The following CACNA1C variants were observed in gnomAD, a reference collection of about 807,000 sequenced individuals.
The protein encoded by CACNA1C is voltage-dependent L-type calcium channel subunit alpha-1C.
CACNA1C carries 30 observed loss-of-function variants against 229.0 expected under a neutral mutation model. The observed-to-expected ratio is 0.13, with a 90% CI of 0.10 to 0.18. The LOEUF (loss-of-function observed/expected upper bound fraction) is 0.18. Ranked by LOEUF, CACNA1C falls within the 10% of genes least tolerant of loss-of-function variation. The pLI is 1.00. For missense variants in CACNA1C, 1,658 were observed against 2,845.0 expected (o/e 0.58, Z 9.49); for synonymous variants, 1,114 against 1,132.5 (o/e 0.98, Z 0.33).
At chr12:2,449,681 C>G (rs1011305767) in intron 4 of CACNA1C, among the ~76,000 whole-genome samples, 9 of 152,368 alleles carry the variant, frequency 5.9e-5, no homozygotes, top group Middle Eastern at 3.4e-3. Context: ...CATGCACACA[C>G]GGTTGGACCT....
intron 1 of CACNA1C, among the ~76,000 whole-genome samples, chr12:2,062,262 C>T (rs2057771085): frequency 6.6e-6 from 1 of 152,202 alleles, no homozygotes; most frequent in African/African-American, 2.4e-5. Context: ...AGACAATGTT[C>T]TTGGTGCTTC....
chr12:2,054,233 C>T lies in CACNA1C; in HGVS notation c.49+622C>T, dbSNP rs2053646495. Among the ~76,000 whole-genome samples the T allele has an allele frequency of 6.6e-6, 1 of 152,090 alleles. No individual in the cohort carries two copies. The highest frequency in any genetic ancestry group is 6.5e-5 in the Admixed American group (1 of 15,288). On this transcript the variant is annotated intron_variant, in intron 1 of 46. Coordinates refer to ENST00000399655, the MANE Select transcript of CACNA1C (RefSeq NM_000719.7). This position sits in a 1 kb window ranked among gnomAD's most constrained non-coding sequence, Gnocchi z 5.5. ...TGGTTCCCCCTCTGTAGGTCCCCTT[C>T]TTCCTCTCTCCCTCCCTCCTCCGCC...
intron 3 of CACNA1C, among the ~76,000 whole-genome samples, chr12:2,401,589 C>A (rs183928048): frequency 1.1e-4 from 16 of 152,150 alleles, no homozygotes; most frequent in African/African-American, 3.1e-4. Context: ...AGAACAAACC[C>A]GAGAGCCAGA....
chr12:2,405,704 A>G (rs1348490840), intron 3 of CACNA1C, among the ~76,000 whole-genome samples: 7 of 151,976 alleles, frequency 4.6e-5, no homozygotes, highest in Admixed American at 1.3e-4. Flanking sequence ...TTTTATCCTC[A>G]CCCATTTATG....
chr12:2,420,518 T>A (rs1477232124), intron 3 of CACNA1C, among the ~76,000 whole-genome samples: 3 of 152,204 alleles, frequency 2.0e-5, no homozygotes, highest in Non-Finnish European at 2.9e-5. Context: ...CAGGTATGTG[T>A]GTTGGGCCAA....
chr12:2,504,775 C>T lies in CACNA1C; in HGVS notation c.1114-67C>T, dbSNP rs1232258136. On this transcript the variant is annotated intron_variant, in intron 7 of 46. Coordinates refer to ENST00000399655, the MANE Select transcript of CACNA1C (RefSeq NM_000719.7). The surrounding 1 kb of genome is among the most constrained non-coding windows in gnomAD (Gnocchi z 6.8). ...CTGCGTGGGTCAGTGTCTCGGGAGCCGGGGACCGGCACTGGCCGTGCTCGG... is the reference window on the plus strand; with the variant it reads ...CTGCGTGGGTCAGTGTCTCGGGAGCTGGGGACCGGCACTGGCCGTGCTCGG... 8.0e-6 allele frequency: 8 copies of T among 1,006,142 alleles called. No homozygotes were observed. Among genetic ancestry groups the T allele is most frequent in the East Asian group, 2.4e-5 (1 of 41,276 alleles). 62.3% of individuals were successfully genotyped at this position (1,006,142 alleles called of 1,614,324 possible). A position where few individuals can be genotyped will look rare whatever the true frequency, so the allele number is the denominator to read the frequency against.
In CACNA1C at chr12:2,593,391, C is replaced by G. The variant is rs1270804126; in HGVS notation, c.2663+46C>G. On this transcript the variant is annotated intron_variant, in intron 19 of 46. Transcript: ENST00000399655. ...AGGTGGGGTCCTGCTCTCTCTAGTACCAGCCTGGCAGTTGCCTGTATTTTA... is the reference window on the plus strand; with the variant it reads ...AGGTGGGGTCCTGCTCTCTCTAGTAGCAGCCTGGCAGTTGCCTGTATTTTA... 2.5e-6 allele frequency: 4 copies of G among 1,603,702 alleles called. No homozygotes were observed. In the African/African-American group the frequency reaches 4.0e-5, roughly 16 times the overall value.
intron 3 of CACNA1C, among the ~76,000 whole-genome samples, chr12:2,372,732 G>T (rs1371032550): frequency 6.6e-6 from 1 of 152,084 alleles, no homozygotes; most frequent in Non-Finnish European, 1.5e-5. Context: ...CCTTTCCAAG[G>T]CCCATCCATC....
intron 5 of CACNA1C, among the ~76,000 whole-genome samples, chr12:2,483,211 C>G (rs541922012): frequency 1.6e-4 from 24 of 152,342 alleles, no homozygotes; most frequent in Admixed American, 1.6e-3. Context: ...GTGTATTGCT[C>G]AAGCCTAGGG....
chr12:2,288,417 TG>T (rs2093022115), intron 3 of CACNA1C, among the ~76,000 whole-genome samples: 1 of 152,166 alleles, frequency 6.6e-6, no homozygotes, highest in African/African-American at 2.4e-5. Flanking sequence ...TCAGTTGCCC[TG>T]AAATAGGTTG....
At position 2,585,013 on chromosome 12, in the gene CACNA1C, A is replaced by T. The variant is rs2061891070; in HGVS notation, c.2340-363A>T. ...TGTTAGGAAGGCAAGACGGGGCCCT[A>T]TGTTGTATCCTATCATTATCTAGAC... On this transcript the variant is annotated intron_variant, in intron 16 of 46. Transcript: ENST00000399655. This position sits in a 1 kb window ranked among gnomAD's most constrained non-coding sequence, Gnocchi z 4.1. Among the ~76,000 whole-genome samples the T allele has an allele frequency of 6.6e-6, 1 of 151,982 alleles. No individual in the cohort carries two copies. Among genetic ancestry groups the T allele is most frequent in the African/African-American group, 2.4e-5 (1 of 41,300 alleles).
intron 18 of CACNA1C, among the ~76,000 whole-genome samples, chr12:2,592,340 T>C (rs2065789654): frequency 6.6e-6 from 1 of 152,228 alleles, no homozygotes; most frequent in African/African-American, 2.4e-5. Context: ...TTATTATTAT[T>C]CCACCTTAGA....
rs138673843 is a variant in CACNA1C, at chr12:2,456,807, G to A, written c.618-760G>A. 1.6e-4 allele frequency among the ~76,000 whole-genome samples: 24 copies of A among 152,322 alleles called. No homozygotes were observed. In the East Asian group the frequency reaches 2.1e-3, roughly 13 times the overall value. On this transcript the variant is annotated intron_variant, in intron 4 of 46. Coordinates refer to ENST00000399655, the MANE Select transcript of CACNA1C (RefSeq NM_000719.7). The stretch of plus-strand genomic sequence containing the variant: ...AAGCTGCAGTGTCTGTTTACTGATT[G>A]CTCAGTTTATTGTCTGTCTCCCTGC...
intron 3 of CACNA1C, among the ~76,000 whole-genome samples, chr12:2,430,555 T>C (rs192831657): frequency 7.9e-5 from 12 of 151,232 alleles, no homozygotes; most frequent in African/African-American, 2.9e-4. Context: ...TGCCCACCCC[T>C]GACTCAGTCT....
upstream of CACNA1C, chr12:2,052,942 G>C: frequency 1.0e-6 from 1 of 975,924 alleles, no homozygotes; most frequent in Non-Finnish European, 1.2e-6. Context: ...GGGCGCGGCG[G>C]GGCTGGGCCG....
chr12:1,973,081 T>C (rs564008208), intron 1 of CACNA1C, among the ~76,000 whole-genome samples: 89 of 152,344 alleles, frequency 5.8e-4, no homozygotes, highest in African/African-American at 2.0e-3. Flanking sequence ...TTTAAAGTAA[T>C]GTTCTTCCAT....
At chr12:2,491,585 CAAT>C (rs1245710880) in intron 6 of CACNA1C, among the ~76,000 whole-genome samples, 1 of 147,346 alleles carries the variant, frequency 6.8e-6, no homozygotes, top group Non-Finnish European at 1.5e-5. Flanking sequence ...AATTATAAGT[CAAT>C]AAAGCTGATG....
At chr12:2,031,144 T>A (rs2048148504) in intron 1 of CACNA1C, among the ~76,000 whole-genome samples, 1 of 152,214 alleles carries the variant, frequency 6.6e-6, no homozygotes, top group Non-Finnish European at 1.5e-5. Context: ...CCCAGAGACT[T>A]GCTGCCTAAG....
chr12:2,589,305 G>T (rs1237627452), intron 18 of CACNA1C, among the ~76,000 whole-genome samples: 1 of 152,248 alleles, frequency 6.6e-6, no homozygotes, highest in Non-Finnish European at 1.5e-5. Flanking sequence ...ATCAAGGATT[G>T]TGTTAGGGGA....
Sources: gnomAD v4.1 joint callset for allele counts (sites outside exome capture counted in the v4.1 genomes callset) on GRCh38, gnomAD v4.1.1 for gene constraint, Gnocchi (gnomAD v3.1) non-coding constraint, MANE v1.5 for transcripts, NCBI Gene and HGNC (gene_info 2026-07-23, HGNC 2026-07-21) for gene names.